Variants in STOX2 observed in about 807,000 individuals in gnomAD.
STOX2 encodes the protein storkhead box 2.
In STOX2, 28 loss-of-function variants were observed where a neutral mutation model predicts 60.9. That is an observed-to-expected ratio of 0.46 (90% CI 0.34 to 0.63). The LOEUF is 0.63. STOX2 is among the 30% of genes least tolerant of loss of function. The pLI is 0.01. For synonymous variants in STOX2, 472 were observed against 463.9 expected (o/e 1.02, Z -0.22); for missense variants, 1,024 against 1,187.7 (o/e 0.86, Z 2.03).
rs1426868519 is a variant in STOX2 at position 183,851,225 on chromosome 4, CGATGAGGGAAAG to C, written c.364+53189_364+53200del. On this transcript the variant is annotated intron_variant, in intron 1 of 2. Transcript: ENST00000513034. ...GAAACGATGGAAAGGATGAGAGAAA[CGATGAGGGAAAG>C]GATGAGGGAAAGGATGAGAGAAAGG... 2.1e-3 allele frequency among the ~76,000 whole-genome samples: 74 copies of C among 35,964 alleles called. 4 individuals carry two copies. Among genetic ancestry groups the C allele is most frequent in the African/African-American group, 6.6e-3 (64 of 9,684 alleles). 23.6% of individuals were successfully genotyped at this position (35,964 alleles called of 152,430 possible). A position where few individuals can be genotyped will look rare whatever the true frequency, so the allele number is the denominator to read the frequency against.
In STOX2 at chr4:184,009,453, C is replaced by T. The variant is rs759633745; in HGVS notation, c.615C>T (p.Asp205=). The T allele has an allele frequency of 8.1e-6, 13 of 1,614,036 alleles. No individual in the cohort carries two copies. Among genetic ancestry groups the T allele is most frequent in the South Asian group, 1.1e-5 (1 of 91,082 alleles). ...HCDSCHCCRE[D]VHSTHAPTLQ... is the part of the protein sequence containing the mutation. ...ACTCTTGCCACTGCTGCAGAGAAGA[C>T]GTGCACAGCACGCATGCACCCACCC... The change falls in exon 3 of 4, where the codon GAC becomes GAT. Residue 205 remains aspartate (D), a synonymous_variant. Coordinates refer to ENST00000308497, the MANE Select transcript of STOX2 (RefSeq NM_020225.3). The surrounding 1 kb of genome is among the most constrained non-coding windows in gnomAD (Gnocchi z 4.0).
chr4:183,818,890 G>C (rs538529045), intron 1 of STOX2, among the ~76,000 whole-genome samples: 1 of 151,558 alleles, frequency 6.6e-6, no homozygotes, highest in Non-Finnish European at 1.5e-5. Flanking sequence ...GCAGAGGCGC[G>C]CGTCACTTCC....
intron 1 of STOX2, among the ~76,000 whole-genome samples, chr4:183,862,457 C>G (rs145469059): frequency 2.2e-4 from 33 of 152,264 alleles, no homozygotes; most frequent in Admixed American, 1.0e-3. Context: ...TGTGCCCAGC[C>G]AATGTTAAGT....
At chr4:183,939,661 G>A (rs548475283) in intron 1 of STOX2, among the ~76,000 whole-genome samples, 258 of 152,008 alleles carry the variant, frequency 1.7e-3, no homozygotes, top group Non-Finnish European at 2.9e-3. Flanking sequence ...AGTGGTTGCT[G>A]GAGAGAGAGG....
At chr4:183,802,863 C>T (rs546899915) in intron 1 of STOX2, among the ~76,000 whole-genome samples, 19 of 152,284 alleles carry the variant, frequency 1.2e-4, no homozygotes, top group South Asian at 4.1e-4. Context: ...CCTCTTGATC[C>T]GCCTGCCTTG....
chr4:184,009,435 C>T lies in STOX2; in HGVS notation c.597C>T (p.Cys199=). 3 of 1,614,052 alleles carry T rather than the reference C, an allele frequency of 1.9e-6. No homozygotes were observed. Among genetic ancestry groups the T allele is most frequent in the Non-Finnish European group, 2.5e-6 (3 of 1,179,908 alleles). Residue 199 remains cysteine (C), a synonymous_variant, in exon 3 of 4, where the codon TGC becomes TGT. Transcript: ENST00000308497. This position sits in a 1 kb window ranked among gnomAD's most constrained non-coding sequence, Gnocchi z 4.0. The part of the protein sequence containing the change: ...RTLPRNHCDS[C]HCCREDVHST... The stretch of plus-strand genomic sequence containing the variant: ...TGCCCCGAAACCACTGCGACTCTTG[C>T]CACTGCTGCAGAGAAGACGTGCACA...
At chr4:183,845,973 A>AT (rs1237757346) in intron 1 of STOX2, among the ~76,000 whole-genome samples, 2 of 152,036 alleles carry the variant, frequency 1.3e-5, no homozygotes, top group African/African-American at 2.4e-5. Flanking sequence ...AACCTGAAGG[A>AT]TTTTTTGTAG....
At chr4:183,914,347 G>A (rs1741869361) in intron 1 of STOX2, among the ~76,000 whole-genome samples, 1 of 152,152 alleles carries the variant, frequency 6.6e-6, no homozygotes. Flanking sequence ...CTGAGCGGAA[G>A]GATCACCTGA....
At chr4:183,837,609 C>T (rs1285124322) in intron 1 of STOX2, among the ~76,000 whole-genome samples, 1 of 152,072 alleles carries the variant, frequency 6.6e-6, no homozygotes. Flanking sequence ...CAGACGTGCA[C>T]CACCACGCCT....
chr4:183,994,669 C>A (rs533492835), intron 1 of STOX2, among the ~76,000 whole-genome samples: 1 of 152,162 alleles, frequency 6.6e-6, no homozygotes, highest in African/African-American at 2.4e-5. Context: ...AGGAAACGGG[C>A]GCAGAGCGGA....
At chr4:183,820,035 C>T (rs1739270166) in intron 1 of STOX2, among the ~76,000 whole-genome samples, 1 of 152,152 alleles carries the variant, frequency 6.6e-6, no homozygotes, top group South Asian at 2.1e-4. Flanking sequence ...TCTTCTTTTA[C>T]TCTCTTTTTG....
Position 183,943,554 on chromosome 4 carries a change from A to G in STOX2, c.166+36598A>G, listed in dbSNP as rs187753992. 2.2e-4 allele frequency among the ~76,000 whole-genome samples: 34 copies of G among 152,336 alleles called. No homozygotes were observed. The East Asian group carries it at 6.0e-3, about 27-fold the overall frequency. On this transcript the variant is annotated intron_variant, in intron 1 of 3. Coordinates refer to ENST00000308497, the MANE Select transcript of STOX2 (RefSeq NM_020225.3). ...TGTTTTTTAAATAAAATATAGAGAA[A>G]TAAAGTGATCAAGAATTTCAAACGT...
intron 1 of STOX2, among the ~76,000 whole-genome samples, chr4:183,878,846 A>C (rs1388918974): frequency 6.6e-6 from 1 of 151,938 alleles, no homozygotes; most frequent in African/African-American, 2.4e-5. Flanking sequence ...GGGTGAGCTG[A>C]GTTTTTCTAT....
At chr4:183,921,504 T>C (rs1055070851) in intron 1 of STOX2, among the ~76,000 whole-genome samples, 5 of 152,172 alleles carry the variant, frequency 3.3e-5, no homozygotes, top group Non-Finnish European at 7.3e-5. Context: ...TCCGTTACAA[T>C]TTCCTCCAGC....
chr4:183,805,926 C>G (rs1055332395), intron 1 of STOX2, among the ~76,000 whole-genome samples: 1 of 152,192 alleles, frequency 6.6e-6, no homozygotes, highest in African/African-American at 2.4e-5. Context: ...AGGCTGGACA[C>G]TACCAAGGGC....
Position 183,880,022 on chromosome 4 carries a change from T to C in STOX2, c.364+81967T>C, listed in dbSNP as rs1740920110. Reference sequence around the variant, plus strand: ...TGTTTTTTTAGAGACGGAATCTCGCTCTGTTGCCCAGAGTTGCATGATCTT... The same window carrying C: ...TGTTTTTTTAGAGACGGAATCTCGCCCTGTTGCCCAGAGTTGCATGATCTT... On this transcript the variant is annotated intron_variant, in intron 1 of 2. Coordinates refer to the STOX2 transcript ENST00000513034. 2.0e-5 allele frequency among the ~76,000 whole-genome samples: 3 copies of C among 152,102 alleles called. No individual in the cohort carries two copies. The South Asian group carries it at 6.2e-4, about 32-fold the overall frequency.
intron 2 of STOX2, among the ~76,000 whole-genome samples, chr4:184,002,231 G>A (rs773600649): frequency 6.6e-5 from 10 of 152,176 alleles, no homozygotes; most frequent in Non-Finnish European, 1.2e-4. Flanking sequence ...ATGTTTTAAT[G>A]TCTGTGTGCC....
At chr4:183,798,882 T>G in intron 1 of STOX2, 1 of 556,594 alleles carries the variant, frequency 1.8e-6, no homozygotes, top group South Asian at 7.2e-5. Context: ...TTGAGTTTTG[T>G]ACTTTGGGTT....
In STOX2 at chr4:183,864,686, G is replaced by A. The variant is rs147703374; in HGVS notation, c.364+66631G>A. 3.9e-5 allele frequency among the ~76,000 whole-genome samples: 6 copies of A among 152,160 alleles called. No individual in the cohort carries two copies. The East Asian group carries it at 9.7e-4, about 24-fold the overall frequency. On this transcript the variant is annotated intron_variant, in intron 1 of 2. Transcript: ENST00000513034. ...TGGGATTACAGACAAGAGCCACTGC[G>A]CCCGGCCAAATGGACTCTTTTTATG...
Sources: allele counts gnomAD v4.1 joint callset (sites outside exome capture counted in the v4.1 genomes callset), GRCh38; gene constraint gnomAD v4.1.1; non-coding constraint Gnocchi (gnomAD v3.1); transcripts MANE v1.5; gene names NCBI Gene and HGNC (gene_info 2026-07-23, HGNC 2026-07-21).